NCAM2: variants seen among roughly 807,000 people sequenced by gnomAD.
NCAM2 encodes neural cell adhesion molecule 2.
NCAM2 carries 30 observed loss-of-function variants against 98.1 expected under a neutral mutation model. The observed-to-expected ratio is 0.31, with a 90% CI of 0.23 to 0.41. The LOEUF (loss-of-function observed/expected upper bound fraction) is 0.41. NCAM2 is among the 10% of genes least tolerant of loss of function. The pLI is 1.00. For synonymous variants in NCAM2, 368 were observed against 342.4 expected (o/e 1.07, Z -0.83); for missense variants, 867 against 1,005.8 (o/e 0.86, Z 1.87).
intron 15 of NCAM2, among the ~76,000 whole-genome samples, chr21:21,486,209 C>G (rs1986352966): frequency 7.0e-6 from 1 of 143,738 alleles, no homozygotes; most frequent in Admixed American, 7.5e-5. Flanking sequence ...GAGGCTGAGG[C>G]AGGAGCATGG....
intron 1 of NCAM2, among the ~76,000 whole-genome samples, chr21:21,127,501 A>G (rs1416266362): frequency 6.6e-6 from 1 of 152,024 alleles, no homozygotes; most frequent in Non-Finnish European, 1.5e-5. Flanking sequence ...GAAATCTACT[A>G]TAATTTCTCT....
intron 12 of NCAM2, among the ~76,000 whole-genome samples, chr21:21,448,208 G>A (rs1405076255): frequency 6.6e-6 from 1 of 152,064 alleles, no homozygotes; most frequent in Non-Finnish European, 1.5e-5. Flanking sequence ...GGAATACTAT[G>A]CAGCCATAGA....
chr21:21,219,904 T>A (rs1046927291), intron 1 of NCAM2, among the ~76,000 whole-genome samples: 6 of 152,160 alleles, frequency 3.9e-5, no homozygotes, highest in Non-Finnish European at 7.4e-5. Flanking sequence ...TGTATGTGTT[T>A]GCGTCACAGT....
At chr21:21,067,576 A>G (rs1455420071) in intron 1 of NCAM2, among the ~76,000 whole-genome samples, 1 of 152,178 alleles carries the variant, frequency 6.6e-6, no homozygotes. Context: ...AATACATTCT[A>G]TAGTCTTTCT....
chr21:21,381,400 G>GT lies in NCAM2; in HGVS notation c.1195+7394dup, dbSNP rs1244915382. On this transcript the variant is annotated intron_variant, in intron 9 of 17. Transcript: ENST00000400546. ...ATTTATATTCTGTTTTTTTTCCTAT[G>GT]TTTTTTTCACATTCTATGCCCATTT... Among the ~76,000 whole-genome samples the GT allele has an allele frequency of 4.0e-5, 6 of 151,316 alleles. No homozygotes were observed. In the South Asian group the frequency reaches 6.3e-4, roughly 16 times the overall value.
chr21:21,240,786 A>T (rs183650580), intron 1 of NCAM2, among the ~76,000 whole-genome samples: 22 of 152,290 alleles, frequency 1.4e-4, no homozygotes, highest in Non-Finnish European at 1.5e-4. Flanking sequence ...ATTTATAGTG[A>T]ATTTAGGCAA....
chr21:21,041,842 C>T (rs549283309), intron 1 of NCAM2, among the ~76,000 whole-genome samples: 1 of 152,244 alleles, frequency 6.6e-6, no homozygotes, highest in South Asian at 2.1e-4. Context: ...TCTTGGTTGA[C>T]TTCCTTGTTA....
Position 21,031,148 on chromosome 21 carries a change from T to C in NCAM2, c.55+32530T>C, listed in dbSNP as rs868684062. On this transcript the variant is annotated intron_variant, in intron 1 of 17. Transcript: ENST00000400546. Reference sequence around the variant, plus strand: ...TTGGAGTTAATAGAACTGGAGGCTCTTAAAACTACTTTATAAATAATTATC... The same window carrying C: ...TTGGAGTTAATAGAACTGGAGGCTCCTAAAACTACTTTATAAATAATTATC... Among the ~76,000 whole-genome samples, 7 of 152,172 alleles carry C rather than the reference T, an allele frequency of 4.6e-5. No homozygotes were observed. The South Asian group carries it at 6.2e-4, about 14-fold the overall frequency.
intron 8 of NCAM2, among the ~76,000 whole-genome samples, chr21:21,372,337 A>G (rs1429552213): frequency 1.1e-4 from 16 of 151,744 alleles, no homozygotes. Context: ...CATAACATCA[A>G]ATCAAATTTC....
intron 1 of NCAM2, among the ~76,000 whole-genome samples, chr21:21,001,407 T>C (rs1319530043): frequency 2.0e-5 from 3 of 152,212 alleles, no homozygotes; most frequent in African/African-American, 7.2e-5. Context: ...AATTTAATTG[T>C]CAATGAAAGA....
Position 21,287,298 on chromosome 21 carries a change from T to C in NCAM2, c.481+886T>C, listed in dbSNP as rs79784141. ...CATAAAGAAGAGACAGAAAATAATA[T>C]CTATTTTTGAATATGTGGGGAGAAT... On this transcript the variant is annotated intron_variant, in intron 4 of 17. Transcript: ENST00000400546. Among the ~76,000 whole-genome samples, 1,412 of 152,100 alleles carry C rather than the reference T, an allele frequency of 9.3e-3. 26 individuals are homozygous for C. Among genetic ancestry groups the C allele is most frequent in the African/African-American group, 0.032 (1,349 of 41,530 alleles).
chr21:21,224,066 T>A (rs912247601), intron 1 of NCAM2, among the ~76,000 whole-genome samples: 8 of 152,146 alleles, frequency 5.3e-5, no homozygotes, highest in African/African-American at 1.9e-4. Flanking sequence ...ACTTTTCTTG[T>A]GAAGCCACTG....
chr21:21,020,615 G>A lies in NCAM2; in HGVS notation c.55+21997G>A, dbSNP rs556850513. The stretch of plus-strand genomic sequence containing the variant: ...CACCTCAGCTCCCACTGATCCAGTC[G>A]TGCCCAGAGGCTCAGCATGCTCTCC... On this transcript the variant is annotated intron_variant, in intron 1 of 17. Transcript: ENST00000400546. 4.6e-5 allele frequency among the ~76,000 whole-genome samples: 7 copies of A among 152,206 alleles called. No individual in the cohort carries two copies. In the East Asian group the frequency reaches 5.8e-4, roughly 13 times the overall value.
At chr21:21,224,288 G>A (rs762820980) in intron 1 of NCAM2, among the ~76,000 whole-genome samples, 4 of 152,108 alleles carry the variant, frequency 2.6e-5, no homozygotes, top group Non-Finnish European at 4.4e-5. Context: ...TTAGCGAATG[G>A]CCCTCCATTC....
chr21:21,447,082 C>T (rs1304260665), intron 12 of NCAM2, among the ~76,000 whole-genome samples: 2 of 152,096 alleles, frequency 1.3e-5, no homozygotes, highest in African/African-American at 2.4e-5. Flanking sequence ...AAAGAAGACC[C>T]TGTATAACCA....
chr21:21,014,592 C>A (rs2064271467), intron 1 of NCAM2, among the ~76,000 whole-genome samples: 1 of 152,186 alleles, frequency 6.6e-6, no homozygotes, highest in South Asian at 2.1e-4. Context: ...CAAAATATTA[C>A]TGCTAATTGA....
At chr21:21,029,413 CT>C (rs889102467) in intron 1 of NCAM2, among the ~76,000 whole-genome samples, 1 of 152,066 alleles carries the variant, frequency 6.6e-6, no homozygotes, top group Non-Finnish European at 1.5e-5. Flanking sequence ...TCCATACGTC[CT>C]TTTTTCTGTG....
chr21:21,131,519 C>T (rs1974163), intron 1 of NCAM2, among the ~76,000 whole-genome samples: 64,381 of 152,024 alleles, frequency 0.42, 14,262 homozygotes, highest in African/African-American at 0.56. Context: ...GTGATCCACC[C>T]GCCTTGGCCT....
At chr21:21,281,242 TAAC>T (rs1171337990) in intron 2 of NCAM2, among the ~76,000 whole-genome samples, 7 of 152,320 alleles carry the variant, frequency 4.6e-5, no homozygotes, top group Admixed American at 2.6e-4. Flanking sequence ...TATCTGATAA[TAAC>T]TTAAATCAAT....
Sources: gnomAD v4.1 joint callset for allele counts (sites outside exome capture counted in the v4.1 genomes callset) on GRCh38, gnomAD v4.1.1 for gene constraint, MANE v1.5 for transcripts, NCBI Gene and HGNC (gene_info 2026-07-23, HGNC 2026-07-21) for gene names.